FREM3: variants seen among roughly 807,000 people sequenced by gnomAD.
The protein encoded by FREM3 is FRAS1 related extracellular matrix 3, also known as FRAS1-related extracellular matrix protein 3.
Under a neutral mutation model 129.1 loss-of-function variants are expected in FREM3, and 105 were observed. The ratio of observed to expected loss-of-function variants is 0.81; its 90% CI spans 0.69 to 0.96. The LOEUF (loss-of-function observed/expected upper bound fraction) is 0.96, where lower values mean the gene tolerates loss of function less well. Ranked by LOEUF, FREM3 falls within the 40% of genes least tolerant of loss-of-function variation. The pLI is 0.00. For missense variants in FREM3, 2,593 were observed against 2,666.3 expected (o/e 0.97, Z 0.61); for synonymous variants, 1,014 against 1,044.9 (o/e 0.97, Z 0.57).
chr4:143,697,595 A>C lies in FREM3; in HGVS notation c.3081T>G (p.Gly1027=). The stretch of plus-strand genomic sequence containing the variant: ...TGAAGGCATCGTGCTGCTTTTGAAA[A>C]CCAACTTCACCTGCAGTGTGGGCAT... The part of the protein sequence containing the change: ...VAYAHTAGEV[G]FQKQHDAFSL... The change falls in exon 1 of 8, where the codon GGT becomes GGG. Residue 1027 remains glycine (G), a synonymous_variant. Coordinates refer to ENST00000329798, the MANE Select transcript of FREM3 (RefSeq NM_001168235.2). 6.5e-7 allele frequency: 1 copy of C among 1,537,540 alleles called. No homozygotes were observed. The highest frequency in any genetic ancestry group is 8.7e-7 in the Non-Finnish European group (1 of 1,146,974).
chr4:143,672,080 C>A (rs1000172413), intron 2 of FREM3, among the ~76,000 whole-genome samples: 1 of 152,140 alleles, frequency 6.6e-6, no homozygotes. Flanking sequence ...CACTGGCTAG[C>A]GAGCTAGAAA....
Position 143,698,132 on chromosome 4 carries a change from G to A in FREM3, c.2544C>T (p.Ser848=), listed in dbSNP as rs1410697900. ...AILEGGSFNL[S]SNELHVTDPD... Reference sequence around the variant, plus strand: ...GGTCTGTAACATGCAGCTCATTACTGCTGAGGTTAAAGCTGCCTCCCTCTA... The same window carrying A: ...GGTCTGTAACATGCAGCTCATTACTACTGAGGTTAAAGCTGCCTCCCTCTA... Residue 848 remains serine (S), a synonymous_variant, in exon 1 of 8, where the codon AGC becomes AGT. Transcript: ENST00000329798. The A allele has an allele frequency of 6.5e-7, 1 of 1,537,356 alleles. No individual in the cohort carries two copies. The highest frequency in any genetic ancestry group is 1.4e-5 in the African/African-American group (1 of 73,044).
At chr4:143,678,284 G>T (rs1740183465) in intron 2 of FREM3, among the ~76,000 whole-genome samples, 1 of 151,930 alleles carries the variant, frequency 6.6e-6, no homozygotes, top group Admixed American at 6.6e-5. Flanking sequence ...GCAAACTATT[G>T]CAAGGACAAA....
intron 2 of FREM3, among the ~76,000 whole-genome samples, chr4:143,681,020 C>T (rs976455473): frequency 1.3e-5 from 2 of 152,084 alleles, no homozygotes; most frequent in Non-Finnish European, 2.9e-5. Flanking sequence ...TAATATTAAT[C>T]ACATGAACTT....
At chr4:143,673,285 C>G (rs911274074) in intron 2 of FREM3, among the ~76,000 whole-genome samples, 3 of 152,194 alleles carry the variant, frequency 2.0e-5, no homozygotes, top group African/African-American at 7.2e-5. Flanking sequence ...GGATGTCCTT[C>G]CTGTTTGTTA....
intron 6 of FREM3, among the ~76,000 whole-genome samples, chr4:143,588,784 G>A (rs1319873485): frequency 1.3e-5 from 2 of 150,658 alleles, no homozygotes; most frequent in Admixed American, 6.6e-5. Flanking sequence ...GGGTCAAATG[G>A]TATTTCTAGT....
intron 2 of FREM3, among the ~76,000 whole-genome samples, chr4:143,668,383 A>G (rs1167280893): frequency 6.6e-6 from 1 of 152,252 alleles, no homozygotes; most frequent in Non-Finnish European, 1.5e-5. Flanking sequence ...ACACTGCATA[A>G]CAATACATTC....
chr4:143,685,513 ACAAAT>A (rs1740344427), intron 2 of FREM3, among the ~76,000 whole-genome samples: 2 of 152,224 alleles, frequency 1.3e-5, no homozygotes, highest in South Asian at 4.1e-4. Flanking sequence ...AAATCTTGAA[ACAAAT>A]CCTGGAAACA....
intron 6 of FREM3, among the ~76,000 whole-genome samples, chr4:143,590,258 G>A (rs1738333748): frequency 6.6e-6 from 1 of 152,178 alleles, no homozygotes; most frequent in South Asian, 2.1e-4. Flanking sequence ...GCCCTGGCCA[G>A]AACTTCCAAC....
At chr4:143,678,476 C>T (rs1740189615) in intron 2 of FREM3, among the ~76,000 whole-genome samples, 1 of 151,996 alleles carries the variant, frequency 6.6e-6, no homozygotes, top group Admixed American at 6.6e-5. Context: ...ATCAACATGA[C>T]ACATGTATAC....
chr4:143,613,078 C>G (rs1314415434), intron 5 of FREM3, among the ~76,000 whole-genome samples: 2 of 152,172 alleles, frequency 1.3e-5, no homozygotes, highest in African/African-American at 4.8e-5. Context: ...TGGGCTCCAA[C>G]CGACTTCAGA....
At chr4:143,581,573 TCTGCCA>T (rs1738143301) in intron 7 of FREM3, among the ~76,000 whole-genome samples, 2 of 151,790 alleles carry the variant, frequency 1.3e-5, no homozygotes, top group Admixed American at 1.3e-4. Context: ...TGACAGCCCC[TCTGCCA>T]CTGCCACTGC....
intron 6 of FREM3, among the ~76,000 whole-genome samples, chr4:143,592,623 T>A (rs1035886344): frequency 6.6e-6 from 1 of 152,246 alleles, no homozygotes; most frequent in Non-Finnish European, 1.5e-5. Flanking sequence ...GTTAGTCTGA[T>A]GGGCTTCCCT....
At chr4:143,671,448 T>C (rs1236620074) in intron 2 of FREM3, among the ~76,000 whole-genome samples, 2 of 152,198 alleles carry the variant, frequency 1.3e-5, no homozygotes, top group South Asian at 4.1e-4. Context: ...TTATGGGAGA[T>C]GTAATTACAG....
intron 2 of FREM3, among the ~76,000 whole-genome samples, chr4:143,673,478 C>T (rs930251863): frequency 2.6e-5 from 4 of 152,182 alleles, no homozygotes; most frequent in African/African-American, 7.2e-5. Context: ...GGTACCCGGC[C>T]GTGTGAGGTG....
At chr4:143,599,175 G>C (rs1738531650) in intron 6 of FREM3, among the ~76,000 whole-genome samples, 1 of 152,134 alleles carries the variant, frequency 6.6e-6, no homozygotes, top group African/African-American at 2.4e-5. Flanking sequence ...TTTTGGATCA[G>C]AATAAGGGCA....
chr4:143,618,781 A>G (rs1738898797), intron 5 of FREM3, among the ~76,000 whole-genome samples: 1 of 152,126 alleles, frequency 6.6e-6, no homozygotes, highest in Non-Finnish European at 1.5e-5. Flanking sequence ...CTGTAGTCCC[A>G]GCTACTCCAG....
intron 2 of FREM3, among the ~76,000 whole-genome samples, chr4:143,638,422 C>A (rs1031028392): frequency 6.6e-6 from 1 of 152,084 alleles, no homozygotes; most frequent in African/African-American, 2.4e-5. Flanking sequence ...CAGGAGCATA[C>A]AAGATTTAAG....
chr4:143,603,242 A>G (rs1463900129), intron 6 of FREM3, among the ~76,000 whole-genome samples: 2 of 152,198 alleles, frequency 1.3e-5, no homozygotes, highest in East Asian at 3.8e-4. Context: ...GAGCCAAGGA[A>G]CTGCTTCTAC....
Sources: allele counts gnomAD v4.1 joint callset (sites outside exome capture counted in the v4.1 genomes callset), GRCh38; gene constraint gnomAD v4.1.1; transcripts MANE v1.5; gene names NCBI Gene and HGNC (gene_info 2026-07-23, HGNC 2026-07-21).